The following CMC2 variants were observed in gnomAD, a reference collection of about 807,000 sequenced individuals.
The protein encoded by CMC2 is C-X9-C motif containing 2.
In CMC2, 5 loss-of-function variants were observed where a neutral mutation model predicts 7.5. The observed-to-expected ratio is 0.66, with a 90% CI of 0.35 to 1.40. CMC2 has a LOEUF of 1.40. Ranked by LOEUF, CMC2 falls within the 40% of genes most tolerant of loss-of-function variation. The pLI is 0.04. For missense variants in CMC2, 115 were observed against 92.3 expected (o/e 1.25, Z -1.01); for synonymous variants, 37 against 31.4 (o/e 1.18, Z -0.60).
In CMC2 at chr16:80,969,949, C is replaced by A. The variant is rs755001701; in HGVS notation, c.*6144G>T. ...CCATGAGAACTTCCTTAGGAATCTGCTGGAAAATGAGGCTCAGACAACCAA... is the reference window on the plus strand; with the variant it reads ...CCATGAGAACTTCCTTAGGAATCTGATGGAAAATGAGGCTCAGACAACCAA... On this transcript the variant is annotated 3_prime_UTR_variant, in exon 4 of 4. Coordinates refer to ENST00000219400, the MANE Select transcript of CMC2 (RefSeq NM_020188.5). 1 of 152,154 alleles carries A rather than the reference C, an allele frequency of 6.6e-6. No individual in the cohort carries two copies. The highest frequency in any genetic ancestry group is 1.5e-5 in the Non-Finnish European group (1 of 68,026). 9.4% of individuals were successfully genotyped at this position (152,154 alleles called of 1,614,324 possible). A position where few individuals can be genotyped will look rare whatever the true frequency, so the allele number is the denominator to read the frequency against.
At chr16:80,978,988 G>A (rs1232009349) in intron 3 of CMC2, among the ~76,000 whole-genome samples, 1 of 152,168 alleles carries the variant, frequency 6.6e-6, no homozygotes, top group African/African-American at 2.4e-5. Flanking sequence ...GGCTGAGGCA[G>A]GAGAATGGCG....
Position 80,988,292 on chromosome 16 carries a change from C to A in CMC2, c.82-6415G>T, listed in dbSNP as rs75969514. ...TGCTGTTGAGAGACATGGTCTCACTCCGTTGCCCAGGCTGAAGTGCCGGAG... is the reference window on the plus strand; with the variant it reads ...TGCTGTTGAGAGACATGGTCTCACTACGTTGCCCAGGCTGAAGTGCCGGAG... On this transcript the variant is annotated intron_variant, in intron 2 of 3. Coordinates refer to ENST00000219400, the MANE Select transcript of CMC2 (RefSeq NM_020188.5). Among the ~76,000 whole-genome samples the A allele has an allele frequency of 2.7e-3, 418 of 152,264 alleles. 3 individuals are homozygous for A. The highest frequency in any genetic ancestry group is 9.4e-3 in the African/African-American group (389 of 41,536).
At chr16:80,980,594 A>T (rs1489363670) in intron 3 of CMC2, among the ~76,000 whole-genome samples, 1 of 144,420 alleles carries the variant, frequency 6.9e-6, no homozygotes, top group Non-Finnish European at 1.5e-5. Flanking sequence ...TAAATAATTT[A>T]AAAACACTAA....
chr16:81,003,398 A>G (rs528624409), intron 1 of CMC2, among the ~76,000 whole-genome samples: 1 of 152,376 alleles, frequency 6.6e-6, no homozygotes, highest in Non-Finnish European at 1.5e-5. Flanking sequence ...AGTGCTAAGC[A>G]CAAGTCTTAC....
intron 1 of CMC2, among the ~76,000 whole-genome samples, chr16:81,004,150 A>G (rs1969063718): frequency 6.6e-6 from 1 of 152,166 alleles, no homozygotes; most frequent in African/African-American, 2.4e-5. Flanking sequence ...TCAGCCCTGG[A>G]GGCAGAGGTT....
intron 3 of CMC2, 91 bp from the exon 4 acceptor site, chr16:80,976,270 A>C (rs1912335739): frequency 1.4e-6 from 1 of 689,894 alleles, no homozygotes; most frequent in South Asian, 1.9e-5. Flanking sequence ...TGCAAAATAT[A>C]AATGTCCTTT....
rs1912131940 is a variant in CMC2, at chr16:80,974,395, C to G, written c.*1698G>C. On this transcript the variant is annotated 3_prime_UTR_variant, in exon 4 of 4. Coordinates refer to ENST00000219400, the MANE Select transcript of CMC2 (RefSeq NM_020188.5). ...TGAAATATATCAGCCTTCCAACTAA[C>G]TCCTCTACCCAAATCCCTAATCACC... The G allele has an allele frequency of 6.6e-6, 1 of 152,210 alleles. No individual in the cohort carries two copies. Among genetic ancestry groups the G allele is most frequent in the Non-Finnish European group, 1.5e-5 (1 of 68,038 alleles). The allele number at this position is 152,210 out of a possible 1,614,324, so 9.4% of individuals were successfully genotyped here. A position where few individuals can be genotyped will look rare whatever the true frequency, so the allele number is the denominator to read the frequency against.
At chr16:80,991,093 T>C (rs1016143290) in intron 2 of CMC2, among the ~76,000 whole-genome samples, 8 of 151,792 alleles carry the variant, frequency 5.3e-5, no homozygotes, top group Non-Finnish European at 1.2e-4. Context: ...CTGGAACAAT[T>C]TGAGCAACAA....
intron 1 of CMC2, 55 bp downstream of exon 1, chr16:81,006,679 A>T (rs1210429167): frequency 1.0e-6 from 1 of 980,538 alleles, no homozygotes; most frequent in Non-Finnish European, 1.2e-6. Context: ...GCCATCAGGG[A>T]CCTGAGGAGG....
Position 80,997,126 on chromosome 16 carries a change from A to G in CMC2, c.81+188T>C, listed in dbSNP as rs1045923326. ...AAACTACCATGTCTGATTTTTACTA[A>G]TCATAAAAGGAGGTAGTTTGTGTAA... On this transcript the variant is annotated intron_variant, in intron 2 of 3. Coordinates refer to ENST00000219400, the MANE Select transcript of CMC2 (RefSeq NM_020188.5). 6.7e-6 allele frequency: 4 copies of G among 593,878 alleles called. No homozygotes were observed. The East Asian group carries it at 1.2e-4, about 17-fold the overall frequency. The allele number at this position is 593,878 out of a possible 1,614,324, so 36.8% of individuals were successfully genotyped here. A position where few individuals can be genotyped will look rare whatever the true frequency, so the allele number is the denominator to read the frequency against.
At position 80,976,082 on chromosome 16, in the gene CMC2, GA is replaced by G; in HGVS notation, c.*10del. ...TCTTCTCTCAGCCAAGGCATCGAGT[GA>G]AAATACAATTTATTTTTCGGATTCC... On this transcript the variant is annotated 3_prime_UTR_variant, in exon 4 of 4. Coordinates refer to ENST00000219400, the MANE Select transcript of CMC2 (RefSeq NM_020188.5). 1 of 1,520,866 alleles carries G rather than the reference GA, an allele frequency of 6.6e-7. No homozygotes were observed. The highest frequency in any genetic ancestry group is 9.1e-7 in the Non-Finnish European group (1 of 1,095,892). 94.2% of individuals were successfully genotyped at this position (1,520,866 alleles called of 1,614,324 possible). A position where few individuals can be genotyped will look rare whatever the true frequency, so the allele number is the denominator to read the frequency against.
At position 80,971,592 on chromosome 16, in the gene CMC2, A is replaced by T. The variant is rs1440283478; in HGVS notation, c.*4501T>A. ...TATATATATATATATATATGTATGA[A>T]ATCATGCATATATATATATGTATGA... On this transcript the variant is annotated 3_prime_UTR_variant, in exon 4 of 4. Coordinates refer to ENST00000219400, the MANE Select transcript of CMC2 (RefSeq NM_020188.5). 53 of 121,544 alleles carry T rather than the reference A, an allele frequency of 4.4e-4. 1 individual carries two copies. Among genetic ancestry groups the T allele is most frequent in the African/African-American group, 1.6e-3 (39 of 25,050 alleles). The allele number at this position is 121,544 out of a possible 1,614,324, so 7.5% of individuals were successfully genotyped here.
At chr16:80,990,311 C>G (rs1409700992) in intron 2 of CMC2, among the ~76,000 whole-genome samples, 1 of 152,098 alleles carries the variant, frequency 6.6e-6, no homozygotes, top group Non-Finnish European at 1.5e-5. Context: ...GCTGGGATTA[C>G]AGGGGTCCGC....
intron 2 of CMC2, among the ~76,000 whole-genome samples, chr16:80,990,461 C>T (rs1206542041): frequency 6.6e-6 from 1 of 151,934 alleles, no homozygotes; most frequent in East Asian, 1.9e-4. Flanking sequence ...TGAGCCACCG[C>T]CACCGGCCAA....
intron 2 of CMC2, chr16:80,988,664 A>G (rs1967732438): frequency 4.3e-6 from 3 of 691,138 alleles, no homozygotes; most frequent in South Asian, 3.1e-5. Context: ...TAACATTAAC[A>G]CTAGTATCTA....
Position 80,970,628 on chromosome 16 carries a change from C to G in CMC2, c.*5465G>C, listed in dbSNP as rs982073569. The stretch of plus-strand genomic sequence containing the variant: ...AAACATTGGAAAGAAACAAATGATT[C>G]ATTACTGTTACTATTCAAAAGTGAT... On this transcript the variant is annotated 3_prime_UTR_variant, in exon 4 of 4. Coordinates refer to ENST00000219400, the MANE Select transcript of CMC2 (RefSeq NM_020188.5). 2.6e-5 allele frequency: 4 copies of G among 152,142 alleles called. No individual in the cohort carries two copies. Among genetic ancestry groups the G allele is most frequent in the Admixed American group, 2.6e-4 (4 of 15,282 alleles). 9.4% of individuals were successfully genotyped at this position (152,142 alleles called of 1,614,324 possible).
At chr16:80,976,838 C>A (rs1431269807) in intron 3 of CMC2, among the ~76,000 whole-genome samples, 1 of 152,170 alleles carries the variant, frequency 6.6e-6, no homozygotes, top group Admixed American at 6.6e-5. Flanking sequence ...ACCTTTTGCG[C>A]TGAACATTGC....
chr16:81,005,554 G>A (rs531451321), intron 1 of CMC2, among the ~76,000 whole-genome samples: 7 of 151,814 alleles, frequency 4.6e-5, no homozygotes, highest in Non-Finnish European at 7.4e-5. Context: ...AGACACGGTC[G>A]GGGACGGCCT....
chr16:80,971,584 A>ATATATATATATATATATGTG lies in CMC2; in HGVS notation c.*4508_*4509insCACATATATATATATATATA. Reference sequence around the variant, plus strand: ...ACATTTTATATATATATATATATATATGTATGAAATCATGCATATATATAT... The same window carrying ATATATATATATATATATGTG: ...ACATTTTATATATATATATATATATATATATATATATATATATGTGTGTATGAAATCATGCATATATATAT... On this transcript the variant is annotated 3_prime_UTR_variant, in exon 4 of 4. Coordinates refer to ENST00000219400, the MANE Select transcript of CMC2 (RefSeq NM_020188.5). 1 of 139,580 alleles carries ATATATATATATATATATGTG rather than the reference A, an allele frequency of 7.2e-6. No individual in the cohort carries two copies. Among genetic ancestry groups the ATATATATATATATATATGTG allele is most frequent in the East Asian group, 2.1e-4 (1 of 4,846 alleles). 8.6% of individuals were successfully genotyped at this position (139,580 alleles called of 1,614,324 possible).
Sources: allele counts gnomAD v4.1 joint callset (sites outside exome capture counted in the v4.1 genomes callset), GRCh38; gene constraint gnomAD v4.1.1; transcripts MANE v1.5; gene names NCBI Gene and HGNC (gene_info 2026-07-23, HGNC 2026-07-21).